The following ETFB variants were observed in gnomAD, a reference collection of about 807,000 sequenced individuals.
ETFB encodes the protein electron transfer flavoprotein subunit beta, also known as beta-ETF.
A neutral mutation model predicts 25.6 loss-of-function variants in ETFB; 20 were observed. The ratio of observed to expected loss-of-function variants is 0.78; its 90% CI spans 0.55 to 1.14. The LOEUF (loss-of-function observed/expected upper bound fraction) is 1.14, where lower values mean the gene tolerates loss of function less well. Among genes scored for constraint, ETFB ranks in the 50% most tolerant of loss-of-function variants. The pLI is 0.00. For synonymous variants in ETFB, 142 were observed against 146.7 expected (o/e 0.97, Z 0.23); for missense variants, 286 against 342.6 (o/e 0.83, Z 1.30).
At chr19:51,348,960 G>T (rs1378956680) in intron 4 of ETFB, among the ~76,000 whole-genome samples, 2 of 152,192 alleles carry the variant, frequency 1.3e-5, no homozygotes, top group African/African-American at 2.4e-5. Context: ...CCTGACTTAT[G>T]ATGGTTTGAA....
At chr19:51,358,828 CAACAAAA>C (rs1986146206) in intron 1 of ETFB, among the ~76,000 whole-genome samples, 1 of 110,486 alleles carries the variant, frequency 9.1e-6, no homozygotes, top group South Asian at 3.9e-4. Context: ...AAACAAACAA[CAACAAAA>C]AAAAAAAAAA....
chr19:51,362,721 C>T (rs1176111852), intron 1 of ETFB, among the ~76,000 whole-genome samples: 1 of 152,174 alleles, frequency 6.6e-6, no homozygotes, highest in Non-Finnish European at 1.5e-5. Flanking sequence ...AAGCAATTTC[C>T]TCAAGGTCAC....
chr19:51,350,474 C>A, intron 3 of ETFB, 83 bp from the exon 4 acceptor site: 1 of 760,944 alleles, frequency 1.3e-6, no homozygotes, highest in Non-Finnish European at 2.3e-6. Context: ...CAGGGGTTGG[C>A]AAACTTTTTC....
chr19:51,352,556 C>T (rs1781501378), intron 3 of ETFB, among the ~76,000 whole-genome samples: 1 of 152,102 alleles, frequency 6.6e-6, no homozygotes, highest in African/African-American at 2.4e-5. Context: ...CCTCATTCTC[C>T]CCCATGTGAC....
At chr19:51,351,565 A>G (rs1985934126) in intron 3 of ETFB, among the ~76,000 whole-genome samples, 1 of 152,248 alleles carries the variant, frequency 6.6e-6, no homozygotes, top group Non-Finnish European at 1.5e-5. Flanking sequence ...GAGAACGACC[A>G]GCAAATGCAG....
intron 4 of ETFB, chr19:51,347,383 GAACTTTATGAGGTA>G (rs879724135): frequency 2.5e-4 from 69 of 274,018 alleles, no homozygotes; most frequent in Non-Finnish European, 2.3e-4. Context: ...ATCCTCGCAG[GAACTTTATGAGGTA>G]AATGTTATTA....
chr19:51,350,109 G>C (rs1210615901), intron 4 of ETFB: 2 of 522,660 alleles, frequency 3.8e-6, no homozygotes, highest in African/African-American at 3.9e-5. Flanking sequence ...GAGTTGAGCG[G>C]GTGGGCATGA....
chr19:51,352,998 A>G, intron 3 of ETFB, 134 bp downstream of exon 3: 2 of 1,102,724 alleles, frequency 1.8e-6, no homozygotes, highest in African/African-American at 1.5e-5. Flanking sequence ...AAGGGTCAGC[A>G]AAGTCCCAAG....
At chr19:51,361,686 G>C (rs1269187955) in intron 1 of ETFB, 1 of 146,538 alleles carries the variant, frequency 6.8e-6, no homozygotes, top group East Asian at 2.0e-4. Context: ...AAATTGCCCA[G>C]CCTCTCCTGG....
chr19:51,350,089 G>A (rs1379124781), intron 4 of ETFB: 2 of 490,046 alleles, frequency 4.1e-6, no homozygotes, highest in Non-Finnish European at 7.5e-6. Context: ...GATGGGGACT[G>A]GGGAACCTAG....
chr19:51,357,486 C>CTTTTTTTTTTTTTTTTTTTTTTTTTTT lies in ETFB; in HGVS notation c.58-3179_58-3178insAAAAAAAAAAAAAAAAAAAAAAAAAAA, dbSNP rs199903123. Among the ~76,000 whole-genome samples, 2 of 100,786 alleles carry CTTTTTTTTTTTTTTTTTTTTTTTTTTT rather than the reference C, an allele frequency of 2.0e-5. 1 individual carries two copies. 66.1% of individuals were successfully genotyped at this position (100,786 alleles called of 152,430 possible). A position where few individuals can be genotyped will look rare whatever the true frequency, so the allele number is the denominator to read the frequency against. On this transcript the variant is annotated intron_variant, in intron 1 of 5. Transcript: ENST00000309244. Reference sequence around the variant, plus strand: ...GCCCACCACAATCCTTTTTTTCTTTCTTTCTTTTTTTTTTTTTTTTTGAGA... The same window carrying CTTTTTTTTTTTTTTTTTTTTTTTTTTT: ...GCCCACCACAATCCTTTTTTTCTTTCTTTTTTTTTTTTTTTTTTTTTTTTTTTTTTCTTTTTTTTTTTTTTTTTGAGA...
chr19:51,345,348 G>C lies in ETFB; in HGVS notation c.631C>G (p.Pro211Ala), dbSNP rs1599837496. 11 of 1,613,968 alleles carry C rather than the reference G, an allele frequency of 6.8e-6. No individual in the cohort carries two copies. Among genetic ancestry groups the C allele is most frequent in the South Asian group, 1.1e-5 (1 of 91,088 alleles). The change falls in exon 6 of 6, where the codon CCT (proline) becomes GCT (alanine). Residue 211 changes from proline (P) to alanine (A), a missense_variant. Pro to Ala is a conservative substitution (Grantham distance 27). Coordinates refer to ENST00000309244, the MANE Select transcript of ETFB (RefSeq NM_001985.3). ...GTCAGGTCCACACCCAGGTCCCCAG[G>C]CTTGATCACCTCGATCTTCTTCTTC... ...AKKKKIEVIK[P>A]GDLGVDLTSK...
Position 51,350,327 on chromosome 19 carries a change from A to C in ETFB, c.438+2T>G, listed in dbSNP as rs1402287785. 1 of 1,610,320 alleles carries C rather than the reference A, an allele frequency of 6.2e-7. No individual in the cohort carries two copies. Among genetic ancestry groups the C allele is most frequent in the Non-Finnish European group, 8.5e-7 (1 of 1,178,554 alleles). On this transcript the variant is annotated splice_donor_variant, in intron 4 of 5. Coordinates refer to ENST00000309244, the MANE Select transcript of ETFB (RefSeq NM_001985.3). LOFTEE classifies it high-confidence loss of function. Reference sequence around the variant, plus strand: ...AGCAGGTGCTCCCCACTCCAGTCTCACCTGTGGCCAGTCAAGAAATCCAGC... The same window carrying C: ...AGCAGGTGCTCCCCACTCCAGTCTCCCCTGTGGCCAGTCAAGAAATCCAGC...
chr19:51,354,891 G>A (rs1986038993), intron 1 of ETFB: 2 of 470,946 alleles, frequency 4.2e-6, no homozygotes, highest in South Asian at 2.3e-5. Context: ...TTTCAGGCAC[G>A]TACATGGTGG....
At chr19:51,361,390 C>A (rs1986221514) in intron 1 of ETFB, among the ~76,000 whole-genome samples, 1 of 152,148 alleles carries the variant, frequency 6.6e-6, no homozygotes. Context: ...CAGGGAGCCA[C>A]CCCAGTGACA....
chr19:51,347,332 G>A (rs1271368044), intron 4 of ETFB: 2 of 490,602 alleles, frequency 4.1e-6, no homozygotes, highest in Non-Finnish European at 7.4e-6. Context: ...TGTACTGAGT[G>A]CTGAGCCCTG....
intron 1 of ETFB, among the ~76,000 whole-genome samples, chr19:51,360,936 C>T (rs140824052): frequency 7.7e-4 from 117 of 152,218 alleles, no homozygotes; most frequent in African/African-American, 2.2e-3. Context: ...CAGGCGCCTG[C>T]CACCACGCCT....
chr19:51,362,214 C>T (rs1018603262), intron 1 of ETFB, among the ~76,000 whole-genome samples: 3 of 150,832 alleles, frequency 2.0e-5, no homozygotes, highest in Non-Finnish European at 4.4e-5. Context: ...CGAATACACT[C>T]TGAGCACAGC....
chr19:51,346,707 C>T, intron 5 of ETFB, 193 bp downstream of exon 5: 1 of 601,814 alleles, frequency 1.7e-6, no homozygotes, highest in South Asian at 2.0e-5. Flanking sequence ...GCCAAAGCAG[C>T]CCCCATGAAC....
Sources: allele counts gnomAD v4.1 joint callset (sites outside exome capture counted in the v4.1 genomes callset), GRCh38; gene constraint gnomAD v4.1.1; transcripts MANE v1.5; gene names NCBI Gene and HGNC (gene_info 2026-07-23, HGNC 2026-07-21).